The following PLSCR2 variants were observed in gnomAD, a reference collection of about 807,000 sequenced individuals.
PLSCR2 encodes the protein phospholipid scramblase 2.
A neutral mutation model predicts 25.3 loss-of-function variants in PLSCR2; 18 were observed. The observed-to-expected ratio is 0.71, with a 90% CI of 0.49 to 1.06. PLSCR2 has a LOEUF of 1.06. Ranked by LOEUF, PLSCR2 falls within the 50% of genes least tolerant of loss-of-function variation. The pLI is 0.00. For missense variants in PLSCR2, 243 were observed against 269.5 expected (o/e 0.90, Z 0.69); for synonymous variants, 88 against 87.3 (o/e 1.01, Z -0.04).
chr3:146,452,980 A>T (rs989017049), intron 5 of PLSCR2, among the ~76,000 whole-genome samples: 4 of 151,946 alleles, frequency 2.6e-5, no homozygotes, highest in African/African-American at 9.7e-5. Flanking sequence ...TATTTCATAT[A>T]CATATATATG....
intron 5 of PLSCR2, 26 bp from the exon 6 acceptor site, chr3:146,449,393 T>A: frequency 4.3e-6 from 6 of 1,390,196 alleles, no homozygotes; most frequent in Non-Finnish European, 5.0e-6. Context: ...AAAAAAAACT[T>A]AAAAATTTCT....
At chr3:146,460,173 T>C in exon 1 of PLSCR2, 7 of 1,394,004 alleles carry the variant, frequency 5.0e-6, no homozygotes, top group Non-Finnish European at 6.6e-6. Context: ...CAAACTGACC[T>C]CTCAGCTCAG....
At chr3:146,403,412 G>A (rs1165250464) in intron 2 of PLSCR2, among the ~76,000 whole-genome samples, 3 of 152,170 alleles carry the variant, frequency 2.0e-5, no homozygotes, top group Admixed American at 6.6e-5. Context: ...TCAACAATGG[G>A]TCTGTAATGG....
In PLSCR2 at chr3:146,475,203, T is replaced by C. The variant is rs190049092; in HGVS notation, c.-292-14919A>G. 2.3e-3 allele frequency among the ~76,000 whole-genome samples: 352 copies of C among 152,148 alleles called. 2 individuals are homozygous for C. The highest frequency in any genetic ancestry group is 8.1e-3 in the African/African-American group (336 of 41,534). ...CTTGACGGAGAGATGTTGCAATCAT[T>C]TGGGGGGAGAAGAGGCACTCTGGCC... On this transcript the variant is annotated intron_variant, in intron 1 of 8. Transcript: ENST00000336685.
At chr3:146,492,598 T>C (rs1194120602) in intron 1 of PLSCR2, among the ~76,000 whole-genome samples, 2 of 151,896 alleles carry the variant, frequency 1.3e-5, no homozygotes, top group Non-Finnish European at 2.9e-5. Flanking sequence ...TTGAAACTAA[T>C]GAAAACAAAG....
At chr3:146,396,074 C>T (rs1488925551) in intron 2 of PLSCR2, among the ~76,000 whole-genome samples, 2 of 152,080 alleles carry the variant, frequency 1.3e-5, no homozygotes, top group African/African-American at 4.8e-5. Context: ...ACATAATAGC[C>T]TGGTAAAATT....
chr3:146,449,383 A>AG lies in PLSCR2; in HGVS notation c.484-17_484-16insC. 1 of 1,551,658 alleles carries AG rather than the reference A, an allele frequency of 6.4e-7. No homozygotes were observed. Among genetic ancestry groups the AG allele is most frequent in the Non-Finnish European group, 8.7e-7 (1 of 1,152,366 alleles). On this transcript the variant is annotated splice_polypyrimidine_tract_variant and intron_variant, in intron 5 of 6. Transcript: ENST00000610787. ...GAGATGTAATCTAAATTGCAAAAAA[A>AG]AAAAAAACTTAAAAATTTCTAGAAA... is the stretch of plus-strand genomic sequence containing the variant.
chr3:146,471,330 TA>T (rs1176138783), intron 1 of PLSCR2, among the ~76,000 whole-genome samples: 3 of 152,242 alleles, frequency 2.0e-5, no homozygotes, highest in Non-Finnish European at 4.4e-5. Context: ...ATACCAATTC[TA>T]AATGTTTCCT....
intron 2 of PLSCR2, among the ~76,000 whole-genome samples, chr3:146,426,665 A>T (rs538265358): frequency 6.6e-6 from 1 of 152,314 alleles, no homozygotes. Context: ...ATTCATTAAT[A>T]TTACGGAAAG....
chr3:146,424,791 C>T (rs1238849464), intron 2 of PLSCR2, among the ~76,000 whole-genome samples: 2 of 151,976 alleles, frequency 1.3e-5, no homozygotes, highest in East Asian at 1.9e-4. Context: ...ACCACCCTCC[C>T]GTAGGACATT....
downstream of PLSCR2, among the ~76,000 whole-genome samples, chr3:146,429,962 G>A (rs1175162917): frequency 6.6e-6 from 1 of 152,128 alleles, no homozygotes; most frequent in Non-Finnish European, 1.5e-5. Context: ...AGAAGGAAGG[G>A]CTGTGTAAAG....
chr3:146,461,931 A>G, upstream of PLSCR2: 4 of 1,491,112 alleles, frequency 2.7e-6, no homozygotes, highest in Non-Finnish European at 3.6e-6. Context: ...GGGAAAACAC[A>G]GCTACAAATA....
chr3:146,433,376 A>C (rs774214250), exon 9 of PLSCR2: 1 of 152,086 alleles, frequency 6.6e-6, no homozygotes, highest in Non-Finnish European at 1.5e-5. Flanking sequence ...TCAATGCGAA[A>C]TGTTTATCTA....
Position 146,443,796 on chromosome 3 carries a change from C to A in PLSCR2, c.646-1975G>T, listed in dbSNP as rs189948569. 3.3e-5 allele frequency among the ~76,000 whole-genome samples: 5 copies of A among 151,778 alleles called. No homozygotes were observed. In the East Asian group the frequency reaches 7.7e-4, roughly 23 times the overall value. Reference sequence around the variant, plus strand: ...GAACTTTATTATTTCTTTTCTTCAACTAATTTTGAGTTCAATTTGCTCTTG... The same window carrying A: ...GAACTTTATTATTTCTTTTCTTCAAATAATTTTGAGTTCAATTTGCTCTTG... On this transcript the variant is annotated intron_variant, in intron 6 of 6. Coordinates refer to ENST00000610787, the Ensembl canonical transcript of PLSCR2.
intron 3 of PLSCR2, among the ~76,000 whole-genome samples, chr3:146,392,148 G>T (rs2038103408): frequency 6.6e-6 from 1 of 152,002 alleles, no homozygotes; most frequent in African/African-American, 2.4e-5. Flanking sequence ...CACATTTTAT[G>T]TTGTTTTAAT....
At chr3:146,424,796 G>A (rs1210484396) in intron 2 of PLSCR2, among the ~76,000 whole-genome samples, 1 of 151,898 alleles carries the variant, frequency 6.6e-6, no homozygotes, top group African/African-American at 2.4e-5. Context: ...CCTCCCGTAG[G>A]ACATTTTCAT....
intron 1 of PLSCR2, among the ~76,000 whole-genome samples, chr3:146,482,248 T>C (rs2043155753): frequency 6.6e-6 from 1 of 152,122 alleles, no homozygotes; most frequent in Non-Finnish European, 1.5e-5. Context: ...ACTAAAGAGC[T>C]TCTGTATGGC....
chr3:146,473,412 A>G (rs1436604948), intron 1 of PLSCR2, among the ~76,000 whole-genome samples: 2 of 151,066 alleles, frequency 1.3e-5, no homozygotes, highest in East Asian at 2.0e-4. Flanking sequence ...GGATCAAGCA[A>G]TTCTCCTACC....
At chr3:146,448,515 A>C (rs2040697527) in intron 6 of PLSCR2, among the ~76,000 whole-genome samples, 1 of 152,168 alleles carries the variant, frequency 6.6e-6, no homozygotes, top group Non-Finnish European at 1.5e-5. Context: ...GGACATGAGG[A>C]GTTTGAAAGT....
Sources: gnomAD v4.1 joint callset for allele counts (sites outside exome capture counted in the v4.1 genomes callset) on GRCh38, gnomAD v4.1.1 for gene constraint, MANE v1.5 for transcripts, NCBI Gene and HGNC (gene_info 2026-07-23, HGNC 2026-07-21) for gene names.